Variants in BCL9 observed in about 807,000 individuals in gnomAD.
BCL9 encodes BCL9 transcription coactivator.
Under a neutral mutation model 88.5 loss-of-function variants are expected in BCL9, and 25 were observed. That is an observed-to-expected ratio of 0.28 (90% CI 0.21 to 0.39). BCL9 has a LOEUF of 0.39. Among genes scored for constraint, BCL9 ranks in the 10% least tolerant of loss-of-function variants. BCL9 has a pLI of 1.00. For synonymous variants in BCL9, 711 were observed against 673.3 expected (o/e 1.06, Z -0.87); for missense variants, 1,817 against 1,877.8 (o/e 0.97, Z 0.60).
chr1:147,586,646 A>G (rs1251259482), intron 1 of BCL9, among the ~76,000 whole-genome samples: 1 of 152,122 alleles, frequency 6.6e-6, no homozygotes, highest in African/African-American at 2.4e-5. Flanking sequence ...ATGTGATCCC[A>G]GTGCTCGGGA....
intron 9 of BCL9, 24 bp from the exon 10 acceptor site, chr1:147,623,818 C>G (rs782516213): frequency 6.3e-7 from 1 of 1,586,820 alleles, no homozygotes; most frequent in Non-Finnish European, 8.6e-7. Flanking sequence ...TAAGTTGATT[C>G]CTTTGATATC....
At position 147,625,700 on chromosome 1, in the gene BCL9, A is replaced by G. The variant is rs1236889396; in HGVS notation, c.*741A>G. 4.3e-6 allele frequency: 1 copy of G among 232,146 alleles called. No homozygotes were observed. Among genetic ancestry groups the G allele is most frequent in the African/African-American group, 2.2e-5 (1 of 45,024 alleles). The allele number at this position is 232,146 out of a possible 1,614,324, so 14.4% of individuals were successfully genotyped here. A position where few individuals can be genotyped will look rare whatever the true frequency, so the allele number is the denominator to read the frequency against. On this transcript the variant is annotated 3_prime_UTR_variant, in exon 10 of 10. Transcript: ENST00000234739. ...TCCCAATATACCAACCCACTGGCAC[A>G]TTTTTCTCTTGTTTTCTCTCTCCGA...
intron 1 of BCL9, chr1:147,600,135 A>AG (rs1201787123): frequency 6.7e-6 from 1 of 149,302 alleles, no homozygotes; most frequent in Non-Finnish European, 1.5e-5. Context: ...GGAGCCGGAA[A>AG]GGGGGAGGCG....
chr1:147,547,238 T>C (rs139299708), intron 1 of BCL9, among the ~76,000 whole-genome samples: 72 of 152,240 alleles, frequency 4.7e-4, no homozygotes, highest in African/African-American at 1.6e-3. Context: ...CTTTAAGATA[T>C]GAGTAATAAG....
chr1:147,575,955 T>C (rs1466884537), intron 1 of BCL9, among the ~76,000 whole-genome samples: 6 of 152,194 alleles, frequency 3.9e-5, no homozygotes, highest in Admixed American at 6.5e-5. Flanking sequence ...TGGCACACCC[T>C]AAGAATCTCC....
At chr1:147,602,191 C>A (rs890191238) in intron 1 of BCL9, among the ~76,000 whole-genome samples, 1 of 145,962 alleles carries the variant, frequency 6.9e-6, no homozygotes, top group South Asian at 2.2e-4. Flanking sequence ...TGTTAGCCAC[C>A]GCGCCCGGCT....
chr1:147,579,155 C>G (rs1047411203), intron 1 of BCL9, among the ~76,000 whole-genome samples: 1 of 152,130 alleles, frequency 6.6e-6, no homozygotes, highest in South Asian at 2.1e-4. Context: ...CGTGAGCCAC[C>G]GCGCCCAGCT....
At chr1:147,611,106 A>C (rs1570902415) in intron 3 of BCL9, among the ~76,000 whole-genome samples, 1 of 152,106 alleles carries the variant, frequency 6.6e-6, no homozygotes, top group Non-Finnish European at 1.5e-5. Context: ...ATTAATTTGC[A>C]TCATGGTTTG....
intron 1 of BCL9, among the ~76,000 whole-genome samples, chr1:147,577,187 C>T (rs1353167780): frequency 6.6e-6 from 1 of 151,948 alleles, no homozygotes; most frequent in African/African-American, 2.4e-5. Flanking sequence ...CTTACGATAC[C>T]CAAGGAGTAC....
chr1:147,556,882 A>G (rs781965857), intron 1 of BCL9, among the ~76,000 whole-genome samples: 25 of 152,172 alleles, frequency 1.6e-4, no homozygotes, highest in Non-Finnish European at 3.5e-4. Context: ...TCTAGATTGT[A>G]TCTCTCCAGT....
chr1:147,623,641 ATATAT>A, intron 9 of BCL9, among the ~76,000 whole-genome samples, 196 bp from the exon 10 acceptor site: 1 of 152,292 alleles, frequency 6.6e-6, no homozygotes, highest in South Asian at 2.1e-4. Flanking sequence ...AGACTCAATA[ATATAT>A]TGTCCTGTAG....
At chr1:147,552,625 A>C (rs947046027) in intron 1 of BCL9, among the ~76,000 whole-genome samples, 2 of 152,204 alleles carry the variant, frequency 1.3e-5, no homozygotes, top group Non-Finnish European at 2.9e-5. Flanking sequence ...AAACAAACAA[A>C]CAAACGAAAA....
chr1:147,596,485 C>T (rs1050563719), intron 1 of BCL9, among the ~76,000 whole-genome samples: 19 of 141,736 alleles, frequency 1.3e-4, no homozygotes, highest in African/African-American at 4.5e-4. Context: ...GCGATCTAGG[C>T]TCACTGCAAG....
At chr1:147,577,849 T>TGTGTGG (rs1656180166) in intron 1 of BCL9, among the ~76,000 whole-genome samples, 1 of 151,662 alleles carries the variant, frequency 6.6e-6, no homozygotes, top group African/African-American at 2.4e-5. Flanking sequence ...TGTGTGTGTG[T>TGTGTGG]GTGTGTGTGT....
In BCL9 at chr1:147,620,287, T is replaced by G; in HGVS notation, c.2132T>G (p.Met711Arg). ...MGPGRELEFGMVPSGMKGDVN... is the reference protein window; with the variant it reads ...MGPGRELEFGRVPSGMKGDVN... ...CCTGGTCGGGAACTTGAGTTTGGGATGGTTCCTAGTGGGATGAAGGGAGAT... is the reference window on the plus strand; with the variant it reads ...CCTGGTCGGGAACTTGAGTTTGGGAGGGTTCCTAGTGGGATGAAGGGAGAT... Residue 711 changes from methionine (M) to arginine (R), a missense_variant, in exon 8 of 10, where the codon ATG becomes AGG. Met to Arg is a moderately conservative substitution (Grantham distance 91). Transcript: ENST00000234739. 6.2e-7 allele frequency: 1 copy of G among 1,614,078 alleles called. No individual in the cohort carries two copies. The highest frequency in any genetic ancestry group is 8.5e-7 in the Non-Finnish European group (1 of 1,179,948).
intron 3 of BCL9, among the ~76,000 whole-genome samples, chr1:147,610,920 C>CA (rs1657966724): frequency 6.6e-6 from 1 of 152,186 alleles, no homozygotes; most frequent in African/African-American, 2.4e-5. Context: ...CCCATGCCTG[C>CA]AGTCCCTGTC....
intron 6 of BCL9, among the ~76,000 whole-genome samples, chr1:147,614,908 G>A (rs1330996207): frequency 1.3e-5 from 2 of 148,202 alleles, no homozygotes; most frequent in African/African-American, 5.0e-5. Context: ...GGCAGATCTC[G>A]GCCCACTGCA....
chr1:147,564,070 G>A lies in BCL9; in HGVS notation c.-478+22396G>A, dbSNP rs587769994. 3.9e-5 allele frequency among the ~76,000 whole-genome samples: 6 copies of A among 152,230 alleles called. No homozygotes were observed. In the South Asian group the frequency reaches 6.2e-4, roughly 16 times the overall value. ...GTGGGAATCTTCACTTCCTTCGAAC[G>A]TGGATGTGACTTGAAAACAGACAGA... On this transcript the variant is annotated intron_variant, in intron 1 of 9. Coordinates refer to ENST00000234739, the MANE Select transcript of BCL9 (RefSeq NM_004326.4).
chr1:147,586,245 C>A (rs1475926786), intron 1 of BCL9, among the ~76,000 whole-genome samples: 1 of 152,092 alleles, frequency 6.6e-6, no homozygotes. Flanking sequence ...GATTCTGCCA[C>A]CCAAATGTCT....
Sources: gnomAD v4.1 joint callset for allele counts (sites outside exome capture counted in the v4.1 genomes callset) on GRCh38, gnomAD v4.1.1 for gene constraint, MANE v1.5 for transcripts, NCBI Gene and HGNC (gene_info 2026-07-23, HGNC 2026-07-21) for gene names.